The following SFTPD variants were observed in gnomAD, a reference collection of about 807,000 sequenced individuals.
SFTPD encodes pulmonary surfactant-associated protein D.
Under a neutral mutation model 34.6 loss-of-function variants are expected in SFTPD, and 18 were observed. That is an observed-to-expected ratio of 0.52 (90% CI 0.36 to 0.77). The LOEUF is 0.77. SFTPD is among the 30% of genes least tolerant of loss of function. The pLI is 0.00. For missense variants in SFTPD, 433 were observed against 468.9 expected (o/e 0.92, Z 0.71); for synonymous variants, 155 against 180.9 (o/e 0.86, Z 1.15).
At chr10:79,975,055 G>A (rs1389959385) in intron 1 of SFTPD, among the ~76,000 whole-genome samples, 1 of 132,466 alleles carries the variant, frequency 7.5e-6, no homozygotes, top group Non-Finnish European at 1.7e-5. Flanking sequence ...CTGTTGATCT[G>A]GGGGGGTGTA....
chr10:79,967,734 T>C (rs946498627), intron 1 of SFTPD, among the ~76,000 whole-genome samples: 4 of 152,096 alleles, frequency 2.6e-5, no homozygotes, highest in African/African-American at 9.7e-5. Flanking sequence ...CCTGCACGTA[T>C]ACATCCAGAT....
At chr10:79,947,488 G>A (rs866829462) in intron 1 of SFTPD, among the ~76,000 whole-genome samples, 2 of 152,152 alleles carry the variant, frequency 1.3e-5, no homozygotes, top group Admixed American at 6.5e-5. Context: ...TCAGGAGTTC[G>A]AGACCAGCCT....
intron 1 of SFTPD, chr10:79,970,274 G>A (rs1271481614): frequency 6.6e-6 from 1 of 152,152 alleles, no homozygotes; most frequent in African/African-American, 2.4e-5. Flanking sequence ...GGTTACTACA[G>A]CTTTGTAGTA....
At position 79,967,778 on chromosome 10, in the gene SFTPD, G is replaced by T. The variant is rs192178874; in HGVS notation, c.36+14797C>A. Among the ~76,000 whole-genome samples, 942 of 152,226 alleles carry T rather than the reference G, an allele frequency of 6.2e-3. 27 individuals carry two copies. Among genetic ancestry groups the T allele is most frequent in the Admixed American group, 0.05 (764 of 15,270 alleles). ...GTAACTGAAGAATCACAAAAGAAGT[G>T]AAAATGGCCTGTTCCTGCCTTAACT... On this transcript the variant is annotated intron_variant, in intron 1 of 5. Coordinates refer to the SFTPD transcript ENST00000444384.
intron 6 of SFTPD, among the ~76,000 whole-genome samples, chr10:79,941,066 G>T (rs1321519840): frequency 6.9e-6 from 1 of 145,206 alleles, no homozygotes; most frequent in African/African-American, 2.5e-5. Flanking sequence ...GGGTGGGTGG[G>T]GGGGTTGCTG....
rs565393366 is a variant in SFTPD at position 79,943,127 on chromosome 10, C to T, written c.200-248G>A. On this transcript the variant is annotated intron_variant, in intron 2 of 7. Coordinates refer to ENST00000372292, the MANE Select transcript of SFTPD (RefSeq NM_003019.5). ...CTGCCTGACCTTCTATGCGGTGCTC[C>T]TTCCCCTACCCCAAGGCCACTGTAT... Among the ~76,000 whole-genome samples, 5 of 152,216 alleles carry T rather than the reference C, an allele frequency of 3.3e-5. No homozygotes were observed. In the South Asian group the frequency reaches 6.2e-4, roughly 19 times the overall value.
intron 3 of SFTPD, 35 bp downstream of exon 3, chr10:79,942,728 C>G (rs772740557): frequency 7.2e-7 from 1 of 1,390,296 alleles, no homozygotes; most frequent in East Asian, 2.3e-5. Flanking sequence ...GCACCACCAC[C>G]TGGAAACACC....
chr10:79,945,476 C>T (rs1842655697), intron 2 of SFTPD, among the ~76,000 whole-genome samples: 1 of 152,206 alleles, frequency 6.6e-6, no homozygotes, highest in Non-Finnish European at 1.5e-5. Flanking sequence ...CCCTTTGAAG[C>T]CCTGCCCAAT....
At chr10:79,939,243 A>G (rs181584366) in intron 7 of SFTPD, among the ~76,000 whole-genome samples, 114 of 152,272 alleles carry the variant, frequency 7.5e-4, no homozygotes, top group African/African-American at 2.7e-3. Flanking sequence ...ATGCATGGAA[A>G]TCTTCCGCAA....
chr10:79,970,606 A>G (rs1298789459), intron 1 of SFTPD: 1 of 151,964 alleles, frequency 6.6e-6, no homozygotes, highest in African/African-American at 2.4e-5. Flanking sequence ...ATTTATTACT[A>G]TGTATTTTAT....
chr10:79,977,848 A>G (rs1013432466), intron 1 of SFTPD, among the ~76,000 whole-genome samples: 1 of 150,040 alleles, frequency 6.7e-6, no homozygotes, highest in Admixed American at 6.6e-5. Context: ...ATTATCTTCA[A>G]TTTTGAGGAA....
chr10:79,960,876 T>C lies in SFTPD; in HGVS notation c.37-14214A>G, dbSNP rs7342006. Among the ~76,000 whole-genome samples the C allele has an allele frequency of 6.6e-5, 10 of 152,106 alleles. No homozygotes were observed. The East Asian group carries it at 1.7e-3, about 27-fold the overall frequency. ...CAAAAGAACAAAGCTGGAGGCATCA[T>C]GCTACCTGACTTCAAACTATACTAC... On this transcript the variant is annotated intron_variant, in intron 1 of 5. Coordinates refer to the SFTPD transcript ENST00000444384.
At chr10:79,946,030 T>G (rs970629786) in intron 2 of SFTPD, among the ~76,000 whole-genome samples, 3 of 152,172 alleles carry the variant, frequency 2.0e-5, no homozygotes, top group African/African-American at 7.2e-5. Context: ...TCCTCTTGAT[T>G]AGGCTTGAGA....
In SFTPD at chr10:79,938,156, G is replaced by A. The variant is rs773881075; in HGVS notation, c.824C>T (p.Thr275Met). Reference sequence around the variant, plus strand: ...CTGTGTGCACAGCAGCTGTGCCTCCGTAAATGGTTTTACAAAGCCTGCTGT... The same window carrying A: ...CTGTGTGCACAGCAGCTGTGCCTCCATAAATGGTTTTACAAAGCCTGCTGT... ...FKTAGFVKPF[T>M]EAQLLCTQAG... Residue 275 changes from threonine to methionine, a missense_variant, in exon 8 of 8, where the codon ACG (threonine) becomes ATG (methionine). Coordinates refer to ENST00000372292, the MANE Select transcript of SFTPD (RefSeq NM_003019.5). 1.4e-5 allele frequency: 22 copies of A among 1,610,130 alleles called. No individual in the cohort carries two copies. The highest frequency in any genetic ancestry group is 4.5e-5 in the East Asian group (2 of 44,746).
chr10:79,945,707 G>C (rs918289006), intron 2 of SFTPD, among the ~76,000 whole-genome samples: 94 of 152,276 alleles, frequency 6.2e-4, no homozygotes, highest in African/African-American at 2.1e-3. Context: ...TTGGCTCAAT[G>C]ATTCATCACT....
chr10:79,944,948 A>G (rs913723047), intron 2 of SFTPD, among the ~76,000 whole-genome samples: 4 of 152,010 alleles, frequency 2.6e-5, no homozygotes, highest in Non-Finnish European at 5.9e-5. Context: ...ACTTTGGCCC[A>G]CAGAGACCTA....
chr10:79,965,041 C>T (rs966227791), intron 1 of SFTPD, among the ~76,000 whole-genome samples: 1 of 152,144 alleles, frequency 6.6e-6, no homozygotes, highest in Non-Finnish European at 1.5e-5. Flanking sequence ...AATCTTCATA[C>T]ACTTTACTGT....
chr10:79,951,426 GGGT>G (rs1461199125), upstream of SFTPD, among the ~76,000 whole-genome samples: 2 of 152,096 alleles, frequency 1.3e-5, no homozygotes, highest in African/African-American at 4.8e-5. Flanking sequence ...TGCCTTCCGT[GGGT>G]CACAGCTCTG....
chr10:79,977,942 C>CT (rs1564536767), intron 1 of SFTPD, among the ~76,000 whole-genome samples: 1 of 152,220 alleles, frequency 6.6e-6, no homozygotes, highest in African/African-American at 2.4e-5. Flanking sequence ...CTTCTCCCAG[C>CT]TTATTAAGCA....
Sources: gnomAD v4.1 joint callset for allele counts (sites outside exome capture counted in the v4.1 genomes callset) on GRCh38, gnomAD v4.1.1 for gene constraint, MANE v1.5 for transcripts, NCBI Gene and HGNC (gene_info 2026-07-23, HGNC 2026-07-21) for gene names.